Variants in LRRIQ1 observed in about 807,000 individuals in gnomAD.
LRRIQ1 encodes the protein leucine rich repeats and IQ motif containing 1, also known as leucine-rich repeat- and IQ domain-containing protein 1.
Under a neutral mutation model 211.9 loss-of-function variants are expected in LRRIQ1, and 210 were observed. The ratio of observed to expected loss-of-function variants is 0.99; its 90% CI spans 0.89 to 1.11. LRRIQ1 has a LOEUF of 1.11. LRRIQ1 is among the 50% of genes most tolerant of loss of function. The pLI is 0.00. For missense variants in LRRIQ1, 2,136 were observed against 1,939.5 expected (o/e 1.10, Z -1.90); for synonymous variants, 699 against 650.1 (o/e 1.08, Z -1.14).
At chr12:85,122,741 C>A (rs1465085145) in intron 16 of LRRIQ1, among the ~76,000 whole-genome samples, 2 of 151,944 alleles carry the variant, frequency 1.3e-5, no homozygotes. Context: ...AATCTCACAT[C>A]ATTAAAAATA....
chr12:85,198,125 A>G (rs1893085536), intron 24 of LRRIQ1, among the ~76,000 whole-genome samples: 1 of 121,496 alleles, frequency 8.2e-6, no homozygotes, highest in African/African-American at 3.2e-5. Context: ...AATATATAAT[A>G]TATATTATAT....
intron 19 of LRRIQ1, among the ~76,000 whole-genome samples, chr12:85,145,272 G>C (rs1013555364): frequency 1.3e-5 from 2 of 151,450 alleles, no homozygotes; most frequent in African/African-American, 2.4e-5. Context: ...TTTATAAGAG[G>C]AGTAAATATA....
At chr12:85,087,253 C>T (rs867582584) in intron 11 of LRRIQ1, among the ~76,000 whole-genome samples, 3 of 152,080 alleles carry the variant, frequency 2.0e-5, no homozygotes, top group Non-Finnish European at 4.4e-5. Flanking sequence ...TCATCCATGT[C>T]CCTACAAAGG....
intron 11 of LRRIQ1, among the ~76,000 whole-genome samples, chr12:85,091,983 G>A (rs1334668879): frequency 6.6e-6 from 1 of 152,098 alleles, no homozygotes; most frequent in African/African-American, 2.4e-5. Flanking sequence ...TTGCATTACT[G>A]CCTGAGCTCC....
chr12:85,236,524 T>C (rs1406996466), intron 26 of LRRIQ1, among the ~76,000 whole-genome samples: 2 of 152,008 alleles, frequency 1.3e-5, no homozygotes, highest in South Asian at 2.1e-4. Flanking sequence ...AGTTGTCTTA[T>C]GACAATACTA....
intron 24 of LRRIQ1, among the ~76,000 whole-genome samples, chr12:85,184,020 C>A (rs1197556637): frequency 6.6e-6 from 1 of 152,022 alleles, no homozygotes; most frequent in Non-Finnish European, 1.5e-5. Flanking sequence ...CATTTCAAAT[C>A]CTTTTTCATT....
At chr12:85,111,888 G>C (rs1300008682) in intron 15 of LRRIQ1, among the ~76,000 whole-genome samples, 1 of 151,402 alleles carries the variant, frequency 6.6e-6, no homozygotes, top group Non-Finnish European at 1.5e-5. Flanking sequence ...GAATAGAGCT[G>C]GAAGGGGACA....
chr12:85,050,506 A>T (rs1880177292), intron 6 of LRRIQ1, among the ~76,000 whole-genome samples: 1 of 152,176 alleles, frequency 6.6e-6, no homozygotes, highest in South Asian at 2.1e-4. Context: ...CTTAATTTTG[A>T]TAAGCCACAC....
At chr12:85,099,692 C>T (rs1325742755) in intron 13 of LRRIQ1, among the ~76,000 whole-genome samples, 2 of 151,692 alleles carry the variant, frequency 1.3e-5, no homozygotes, top group Non-Finnish European at 3.0e-5. Flanking sequence ...AAGAAACCAC[C>T]TTTAACAATA....
At chr12:85,073,805 CTG>C (rs1376232948) in intron 11 of LRRIQ1, among the ~76,000 whole-genome samples, 2 of 151,986 alleles carry the variant, frequency 1.3e-5, no homozygotes, top group Non-Finnish European at 1.5e-5. Flanking sequence ...CAGTTGGAGT[CTG>C]TTTTTCATCT....
Position 85,098,850 on chromosome 12 carries a change from A to T in LRRIQ1, c.3082-17A>T, listed in dbSNP as rs917177301. ...TATTTTGCTTAATATAAACTAATGA[A>T]CCAAATTTAAATATAGCTTCCATCC... is the stretch of plus-strand genomic sequence containing the variant. On this transcript the variant is annotated splice_polypyrimidine_tract_variant and intron_variant, in intron 12 of 26. Transcript: ENST00000393217. The T allele has an allele frequency of 6.6e-7, 1 of 1,521,276 alleles. No homozygotes were observed. The highest frequency in any genetic ancestry group is 1.4e-5 in the African/African-American group (1 of 70,884). The allele number at this position is 1,521,276 out of a possible 1,614,324, so 94.2% of individuals were successfully genotyped here.
chr12:85,144,801 T>C (rs996534712), intron 19 of LRRIQ1, among the ~76,000 whole-genome samples: 1 of 151,694 alleles, frequency 6.6e-6, no homozygotes, highest in Non-Finnish European at 1.5e-5. Flanking sequence ...TGTTCATATT[T>C]TAAGTGGATA....
the LRRIQ1 span, among the ~76,000 whole-genome samples, chr12:85,270,007 A>C: frequency 1.3e-5 from 2 of 151,924 alleles, no homozygotes; most frequent in African/African-American, 4.8e-5. Context: ...GTATCTCTTC[A>C]TCCCCTTTCA....
downstream of LRRIQ1, among the ~76,000 whole-genome samples, chr12:85,266,778 G>A (rs140519610): frequency 1.6e-4 from 25 of 152,258 alleles, no homozygotes; most frequent in East Asian, 4.2e-3. Context: ...GAACTTACTT[G>A]CTAGTAGTCT....
intron 14 of LRRIQ1, among the ~76,000 whole-genome samples, chr12:85,106,123 G>A (rs2077067101): frequency 6.6e-6 from 1 of 152,030 alleles, no homozygotes; most frequent in Non-Finnish European, 1.5e-5. Flanking sequence ...AGGTAAAAAG[G>A]TCCATGCAAT....
At chr12:85,046,506 T>C (rs1879604188) in intron 5 of LRRIQ1, among the ~76,000 whole-genome samples, 2 of 152,236 alleles carry the variant, frequency 1.3e-5, no homozygotes, top group Non-Finnish European at 2.9e-5. Context: ...TTATTCACTT[T>C]GGTGAAATTT....
intron 26 of LRRIQ1, among the ~76,000 whole-genome samples, chr12:85,239,181 A>C (rs190213529): frequency 6.6e-6 from 1 of 152,214 alleles, no homozygotes; most frequent in Admixed American, 6.6e-5. Context: ...TGTTCTGTAG[A>C]TTCAAAGCAA....
intron 24 of LRRIQ1, among the ~76,000 whole-genome samples, chr12:85,198,367 T>G (rs1893109005): frequency 6.6e-6 from 1 of 151,092 alleles, no homozygotes; most frequent in Non-Finnish European, 1.5e-5. Flanking sequence ...TGTTTTAAGT[T>G]ATTTCATAAA....
intron 26 of LRRIQ1, among the ~76,000 whole-genome samples, chr12:85,243,984 G>A (rs1340769061): frequency 6.6e-6 from 1 of 151,530 alleles, no homozygotes; most frequent in African/African-American, 2.4e-5. Flanking sequence ...TTCAAGCATA[G>A]TGTGGTTTTG....
Sources: allele counts gnomAD v4.1 joint callset (sites outside exome capture counted in the v4.1 genomes callset), GRCh38; gene constraint gnomAD v4.1.1; transcripts MANE v1.5; gene names NCBI Gene and HGNC (gene_info 2026-07-23, HGNC 2026-07-21).